The following FRMD4B variants were observed in gnomAD, a reference collection of about 807,000 sequenced individuals.
FRMD4B encodes the protein FERM domain-containing protein 4B.
A neutral mutation model predicts 141.5 loss-of-function variants in FRMD4B; 74 were observed. The ratio of observed to expected loss-of-function variants is 0.52; its 90% CI spans 0.43 to 0.63. The LOEUF is 0.63. Ranked by LOEUF, FRMD4B falls within the 30% of genes least tolerant of loss-of-function variation. The pLI, the probability that FRMD4B is intolerant of heterozygous loss-of-function variation, is 0.00. For synonymous variants in FRMD4B, 506 were observed against 467.9 expected (o/e 1.08, Z -1.05); for missense variants, 1,366 against 1,253.4 (o/e 1.09, Z -1.36).
intron 18 of FRMD4B, among the ~76,000 whole-genome samples, chr3:69,188,585 G>A (rs1339638351): frequency 6.6e-6 from 1 of 151,496 alleles, no homozygotes; most frequent in African/African-American, 2.4e-5. Flanking sequence ...GTGAAACCCC[G>A]TCTCTACTAA....
At chr3:69,441,419 T>A (rs888729692) in intron 1 of FRMD4B, among the ~76,000 whole-genome samples, 3 of 152,350 alleles carry the variant, frequency 2.0e-5, no homozygotes, top group South Asian at 4.1e-4. Context: ...AGTTTCTTCC[T>A]GCTGTTTGGG....
chr3:69,394,629 A>G (rs907090890), intron 2 of FRMD4B, among the ~76,000 whole-genome samples: 3 of 152,214 alleles, frequency 2.0e-5, no homozygotes, highest in Non-Finnish European at 4.4e-5. Flanking sequence ...AGGATCTAGA[A>G]CCAGAAATAC....
At chr3:69,371,648 A>C (rs1575771768) in intron 1 of FRMD4B, among the ~76,000 whole-genome samples, 1 of 152,148 alleles carries the variant, frequency 6.6e-6, no homozygotes, top group Non-Finnish European at 1.5e-5. Context: ...TGAAGATGAT[A>C]AGTGGATATA....
intron 11 of FRMD4B, among the ~76,000 whole-genome samples, chr3:69,209,956 T>A (rs1024898730): frequency 2.0e-5 from 3 of 152,208 alleles, no homozygotes; most frequent in Non-Finnish European, 4.4e-5. Context: ...CTTAAAGAAA[T>A]AACCAAGTCA....
At chr3:69,399,644 T>C in intron 2 of FRMD4B, among the ~76,000 whole-genome samples, 1 of 152,206 alleles carries the variant, frequency 6.6e-6, no homozygotes, top group Admixed American at 6.5e-5. Flanking sequence ...GCTCTTTATA[T>C]TTGTGGCTCT....
chr3:69,307,636 G>T (rs1416082225), intron 3 of FRMD4B, among the ~76,000 whole-genome samples: 1 of 152,078 alleles, frequency 6.6e-6, no homozygotes, highest in East Asian at 1.9e-4. Context: ...ACCACACCCG[G>T]CCTACTATTT....
intron 1 of FRMD4B, among the ~76,000 whole-genome samples, chr3:69,335,466 G>T (rs555641660): frequency 6.7e-6 from 1 of 148,202 alleles, no homozygotes; most frequent in Admixed American, 6.8e-5. Flanking sequence ...TCCACCTCCC[G>T]GTTCAAGCAA....
At chr3:69,288,622 G>A (rs1033980182) in intron 4 of FRMD4B, among the ~76,000 whole-genome samples, 2 of 152,182 alleles carry the variant, frequency 1.3e-5, no homozygotes, top group East Asian at 1.9e-4. Context: ...TGATGAGGCC[G>A]GCTTGCAAAG....
chr3:69,496,626 AG>A, intron 1 of FRMD4B, among the ~76,000 whole-genome samples: 1 of 95,344 alleles, frequency 1.0e-5, no homozygotes, highest in Non-Finnish European at 2.1e-5. Flanking sequence ...AGAGAGAGAG[AG>A]AGAGAGAGAA....
intron 1 of FRMD4B, among the ~76,000 whole-genome samples, chr3:69,497,944 G>T (rs1706429582): frequency 6.6e-6 from 1 of 152,160 alleles, no homozygotes; most frequent in Admixed American, 6.5e-5. Flanking sequence ...TCCAAGGTGA[G>T]CCTAGCTAAC....
chr3:69,498,042 G>A (rs1431478694), intron 1 of FRMD4B, among the ~76,000 whole-genome samples: 2 of 152,232 alleles, frequency 1.3e-5, no homozygotes, highest in Non-Finnish European at 2.9e-5. Flanking sequence ...CCAAGGAAGA[G>A]TGGCTGGGGA....
chr3:69,439,063 G>A (rs55746709), intron 1 of FRMD4B, among the ~76,000 whole-genome samples: 2 of 5,182 alleles, frequency 3.9e-4, no homozygotes, highest in African/African-American at 0.015. Flanking sequence ...GTGTGTGTAT[G>A]TGTGTGTGTG....
intron 11 of FRMD4B, among the ~76,000 whole-genome samples, chr3:69,210,687 A>C (rs1319511599): frequency 6.6e-6 from 1 of 152,136 alleles, no homozygotes; most frequent in Non-Finnish European, 1.5e-5. Context: ...TAGGAGGTGA[A>C]AGAAGTGCTC....
chr3:69,374,878 G>T (rs1381043149), intron 1 of FRMD4B, among the ~76,000 whole-genome samples: 3 of 152,078 alleles, frequency 2.0e-5, no homozygotes, highest in Admixed American at 1.3e-4. Context: ...CAAGGCTTCT[G>T]CAAACTTTAG....
chr3:69,356,288 G>T (rs1703321193), intron 1 of FRMD4B, among the ~76,000 whole-genome samples: 1 of 152,166 alleles, frequency 6.6e-6, no homozygotes, highest in Non-Finnish European at 1.5e-5. Flanking sequence ...AAGTCAGTGG[G>T]CTGGGAAAGG....
intron 5 of FRMD4B, among the ~76,000 whole-genome samples, chr3:69,270,865 C>T (rs1346666695): frequency 6.6e-6 from 1 of 152,042 alleles, no homozygotes; most frequent in African/African-American, 2.4e-5. Context: ...TGCCCAGCCC[C>T]AACCAAGCAT....
At chr3:69,450,836 C>A (rs1705485773) in intron 1 of FRMD4B, among the ~76,000 whole-genome samples, 1 of 152,134 alleles carries the variant, frequency 6.6e-6, no homozygotes, top group East Asian at 1.9e-4. Flanking sequence ...GGCCTTTTTC[C>A]ATCTGATGGT....
chr3:69,303,728 G>C (rs1162431396), intron 3 of FRMD4B, among the ~76,000 whole-genome samples: 1 of 152,066 alleles, frequency 6.6e-6, no homozygotes, highest in South Asian at 2.1e-4. Flanking sequence ...CCAGGAATTT[G>C]AGACTAGCCT....
intron 1 of FRMD4B, among the ~76,000 whole-genome samples, chr3:69,332,582 C>G (rs1040159811): frequency 6.6e-6 from 1 of 151,804 alleles, no homozygotes. Context: ...TTTTCTTTTT[C>G]TTTATTTATT....
Sources: gnomAD v4.1 joint callset for allele counts (sites outside exome capture counted in the v4.1 genomes callset) on GRCh38, gnomAD v4.1.1 for gene constraint, MANE v1.5 for transcripts, NCBI Gene and HGNC (gene_info 2026-07-23, HGNC 2026-07-21) for gene names.